SP100: variants seen among roughly 807,000 people sequenced by gnomAD.
SP100 encodes SP100 nuclear body protein.
A neutral mutation model predicts 130.0 loss-of-function variants in SP100; 84 were observed. That is an observed-to-expected ratio of 0.65 (90% confidence interval 0.54 to 0.77). SP100 has a LOEUF of 0.77. Among genes scored for constraint, SP100 ranks in the 30% least tolerant of loss-of-function variants. The pLI is 0.00. For synonymous variants in SP100, 331 were observed against 351.7 expected, an observed-to-expected ratio of 0.94 and a Z score of 0.66; for missense variants, 978 against 1,052.2, an observed-to-expected ratio of 0.93 and a Z score of 0.97.
chr2:230,430,094 T>C (rs2063052786), intron 2 of SP100, among the ~76,000 whole-genome samples: 1 of 152,220 alleles, frequency 6.6e-6, no homozygotes, highest in African/African-American at 2.4e-5. Context: ...TTCCAGGCTT[T>C]ATAAGTTTGT....
chr2:230,428,678 A>C (rs1158488537), intron 2 of SP100, among the ~76,000 whole-genome samples: 1 of 151,992 alleles, frequency 6.6e-6, no homozygotes, highest in Admixed American at 6.5e-5. Flanking sequence ...TCCTGACCTC[A>C]TGATCCACCC....
chr2:230,462,347 T>C, intron 9 of SP100, 88 bp from the exon 10 acceptor site: 1 of 997,766 alleles, frequency 1.0e-6, no homozygotes, highest in Admixed American at 1.8e-5. Flanking sequence ...TCCTGGGTCT[T>C]CCTAGTGCTC....
intron 17 of SP100, among the ~76,000 whole-genome samples, chr2:230,478,367 G>A (rs951139638): frequency 3.3e-5 from 5 of 152,152 alleles, no homozygotes; most frequent in African/African-American, 1.2e-4. Flanking sequence ...TTTGGAAACT[G>A]GTTTCATGAG....
chr2:230,486,228 GT>G (rs1205356052), intron 17 of SP100, among the ~76,000 whole-genome samples: 1 of 152,032 alleles, frequency 6.6e-6, no homozygotes, highest in African/African-American at 2.4e-5. Context: ...TTTTTTTTAT[GT>G]TCCGGGGTAC....
At chr2:230,480,049 T>A (rs1218866545) in intron 17 of SP100, among the ~76,000 whole-genome samples, 1 of 152,192 alleles carries the variant, frequency 6.6e-6, no homozygotes, top group Non-Finnish European at 1.5e-5. Context: ...CACACACACT[T>A]CTAGCCCCAT....
chr2:230,422,078 A>G (rs2149857903), intron 2 of SP100, among the ~76,000 whole-genome samples: 1 of 151,868 alleles, frequency 6.6e-6, no homozygotes, highest in East Asian at 1.9e-4. Flanking sequence ...CTTCTATGAC[A>G]TTTTCTGAGG....
At chr2:230,485,786 G>C (rs2066053119) in intron 17 of SP100, among the ~76,000 whole-genome samples, 1 of 152,126 alleles carries the variant, frequency 6.6e-6, no homozygotes, top group Non-Finnish European at 1.5e-5. Flanking sequence ...TTAAATAAGT[G>C]AGTTAAGCCC....
At chr2:230,494,496 C>T (rs1472711199) in intron 18 of SP100, 36 bp downstream of exon 18, 7 of 1,507,026 alleles carry the variant, frequency 4.6e-6, no homozygotes, top group Non-Finnish European at 5.5e-6. Context: ...CCTTTGAACT[C>T]GCTGTGGTCC....
At chr2:230,539,832 C>T (rs934810428) in intron 25 of SP100, among the ~76,000 whole-genome samples, 1 of 152,168 alleles carries the variant, frequency 6.6e-6, no homozygotes, top group African/African-American at 2.4e-5. Flanking sequence ...AAGTGTGAGT[C>T]CCCTGCTCAC....
chr2:230,496,156 A>G (rs945661956), intron 18 of SP100, among the ~76,000 whole-genome samples: 1 of 152,152 alleles, frequency 6.6e-6, no homozygotes, highest in African/African-American at 2.4e-5. Context: ...TCTCTACCTT[A>G]ACTATTTTAT....
chr2:230,525,101 T>C (rs746519386), intron 24 of SP100, among the ~76,000 whole-genome samples: 1 of 152,100 alleles, frequency 6.6e-6, no homozygotes, highest in African/African-American at 2.4e-5. Context: ...AGGAGAATAA[T>C]TTTGTATGAG....
At chr2:230,525,412 C>T (rs73098973) in intron 24 of SP100, among the ~76,000 whole-genome samples, 1,977 of 152,174 alleles carry the variant, frequency 0.013, 38 homozygotes, top group African/African-American at 0.046. Flanking sequence ...AATTAGTAAA[C>T]TAAGAAAGTT....
chr2:230,472,904 T>C (rs2065345376), intron 15 of SP100, among the ~76,000 whole-genome samples: 1 of 152,198 alleles, frequency 6.6e-6, no homozygotes, highest in African/African-American at 2.4e-5. Flanking sequence ...GATTCCTACA[T>C]GTGTATCTCC....
intron 23 of SP100, chr2:230,510,158 C>G (rs1267796525): frequency 6.6e-6 from 1 of 152,574 alleles, no homozygotes; most frequent in Non-Finnish European, 1.5e-5. Context: ...TTGTCTAAGG[C>G]CTCTCTGCCT....
chr2:230,534,085 G>T (rs905043000), intron 24 of SP100, among the ~76,000 whole-genome samples: 1 of 152,138 alleles, frequency 6.6e-6, no homozygotes, highest in African/African-American at 2.4e-5. Flanking sequence ...AGGTTTCATT[G>T]TTTGGGAAAC....
intron 8 of SP100, among the ~76,000 whole-genome samples, chr2:230,451,531 T>G (rs566257603): frequency 1.3e-5 from 2 of 152,386 alleles, no homozygotes; most frequent in African/African-American, 4.8e-5. Context: ...GCTCCTTATG[T>G]ATTTTGGATA....
In SP100 at chr2:230,544,159, CTT is replaced by C. The variant is rs937145605; in HGVS notation, c.*1214_*1215del. 5.3e-5 allele frequency: 8 copies of C among 152,256 alleles called. No individual in the cohort carries two copies. Among genetic ancestry groups the C allele is most frequent in the African/African-American group, 1.7e-4 (7 of 41,548 alleles). The allele number at this position is 152,256 out of a possible 1,614,324, so 9.4% of individuals were successfully genotyped here. A position where few individuals can be genotyped will look rare whatever the true frequency, so the allele number is the denominator to read the frequency against. ...AAATCAACTCAAGATCAATTAAAGACTTAATGTAAAATCAAAAACTATGAAGA... is the reference window on the plus strand; with the variant it reads ...AAATCAACTCAAGATCAATTAAAGACAATGTAAAATCAAAAACTATGAAGA... On this transcript the variant is annotated 3_prime_UTR_variant, in exon 29 of 29. Coordinates refer to ENST00000340126, the MANE Select transcript of SP100 (RefSeq NM_001080391.2).
intron 24 of SP100, among the ~76,000 whole-genome samples, chr2:230,522,046 G>A (rs915051529): frequency 3.3e-5 from 5 of 152,184 alleles, no homozygotes; most frequent in African/African-American, 1.2e-4. Flanking sequence ...GTTTGTAATT[G>A]TGTGTGTGTT....
intron 13 of SP100, 27 bp downstream of exon 13, chr2:230,467,242 G>T: frequency 6.6e-7 from 1 of 1,523,614 alleles, no homozygotes; most frequent in South Asian, 1.1e-5. Context: ...TGACTTCAGG[G>T]CTCTGACTTC....
Sources: gnomAD v4.1 joint callset for allele counts (sites outside exome capture counted in the v4.1 genomes callset) on GRCh38, gnomAD v4.1.1 for gene constraint, MANE v1.5 for transcripts, NCBI Gene and HGNC (gene_info 2026-07-23, HGNC 2026-07-21) for gene names.